FRMD1: variants seen among roughly 807,000 people sequenced by gnomAD.
FRMD1 encodes the protein FERM domain containing 1, also known as FERM domain-containing protein 1.
FRMD1 carries 51 observed loss-of-function variants against 54.9 expected under a neutral mutation model. That is an observed-to-expected ratio of 0.93 (90% confidence interval 0.74 to 1.17). The LOEUF (loss-of-function observed/expected upper bound fraction) is 1.17. Ranked by LOEUF, FRMD1 falls within the 50% of genes most tolerant of loss-of-function variation. The probability of loss-of-function intolerance (pLI) is 0.00; values close to 1 mark genes in which losing one functional copy is unlikely to be tolerated. For synonymous variants in FRMD1, 324 were observed against 306.4 expected (o/e 1.06, Z -0.60); for missense variants, 729 against 743.0 (o/e 0.98, Z 0.22).
chr6:168,058,978 C>T (rs1053121688), intron 10 of FRMD1, 146 bp downstream of exon 10: 4 of 643,860 alleles, frequency 6.2e-6, no homozygotes, highest in African/African-American at 5.5e-5. Context: ...TTGCTGCTCC[C>T]TGACTTGCCC....
rs1799323623 is a variant in FRMD1 at position 168,053,447 on chromosome 6, C to T, written c.*3650G>A. On this transcript the variant is annotated 3_prime_UTR_variant, in exon 11 of 11. Coordinates refer to ENST00000283309, the MANE Select transcript of FRMD1 (RefSeq NM_024919.6). ...CCTGGCCATCCTGTCCTGAGACTCC[C>T]TGCTGCTCCTACAGGTAGAGACGAC... 1 of 152,558 alleles carries T rather than the reference C, an allele frequency of 6.6e-6. No homozygotes were observed. Among genetic ancestry groups the T allele is most frequent in the Non-Finnish European group, 1.5e-5 (1 of 68,302 alleles). The allele number at this position is 152,558 out of a possible 1,614,324, so 9.5% of individuals were successfully genotyped here. A position where few individuals can be genotyped will look rare whatever the true frequency, so the allele number is the denominator to read the frequency against.
At position 168,062,888 on chromosome 6, in the gene FRMD1, G is replaced by C. The variant is rs750664884; in HGVS notation, c.870+6C>G. On this transcript the variant is annotated splice_donor_region_variant and intron_variant, in intron 7 of 10. Transcript: ENST00000283309. ...GGCTCTGTGAGGCTGGAGCCCCTTC[G>C]GTCACCTGGTAGATGTGCACTCCCC... is the stretch of plus-strand genomic sequence containing the variant. 2.5e-6 allele frequency: 4 copies of C among 1,613,338 alleles called. No homozygotes were observed. In the Admixed American group the frequency reaches 5.0e-5, roughly 20 times the overall value.
At position 168,087,621 on chromosome 6, in the gene FRMD1, C is replaced by T. The variant is rs559435086; in HGVS notation, c.-11-8597G>A. Among the ~76,000 whole-genome samples, 3 of 152,340 alleles carry T rather than the reference C, an allele frequency of 2.0e-5. No homozygotes were observed. The East Asian group carries it at 5.8e-4, about 29-fold the overall frequency. On this transcript the variant is annotated intron_variant, in intron 1 of 12. Coordinates refer to the FRMD1 transcript ENST00000644440. The stretch of plus-strand genomic sequence containing the variant: ...CAGAGCTCTGACCTGCGTGGACTGG[C>T]GTGTGCAATGCGTGCGCTGGCATGT...
intron 1 of FRMD1, among the ~76,000 whole-genome samples, chr6:168,089,501 G>A (rs144713181): frequency 6.6e-5 from 10 of 152,358 alleles, no homozygotes; most frequent in African/African-American, 1.2e-4. Flanking sequence ...CAGGACACAG[G>A]TGGAGGAGGA....
upstream of FRMD1, chr6:168,081,366 C>T (rs1800825011): frequency 6.5e-7 from 1 of 1,533,410 alleles, no homozygotes; most frequent in South Asian, 1.2e-5. Context: ...GTCTTCTCGA[C>T]TGGCCTGTTC....
In FRMD1 at chr6:168,057,056, T is replaced by A. The variant is rs1024693479; in HGVS notation, c.*41A>T. The A allele has an allele frequency of 1.3e-5, 18 of 1,436,592 alleles. No individual in the cohort carries two copies. Among genetic ancestry groups the A allele is most frequent in the South Asian group, 7.6e-5 (5 of 65,768 alleles). The allele number at this position is 1,436,592 out of a possible 1,614,324, so 89.0% of individuals were successfully genotyped here. A position where few individuals can be genotyped will look rare whatever the true frequency, so the allele number is the denominator to read the frequency against. ...ATGTGGAAGTGGGGTGGGCAGGGGC[T>A]GAGCCTGGCGGTGCGGACGGTACTG... is the stretch of plus-strand genomic sequence containing the variant. On this transcript the variant is annotated 3_prime_UTR_variant, in exon 11 of 11. Coordinates refer to ENST00000283309, the MANE Select transcript of FRMD1 (RefSeq NM_024919.6).
chr6:168,085,426 C>T (rs919615295), upstream of FRMD1, among the ~76,000 whole-genome samples: 1 of 152,190 alleles, frequency 6.6e-6, no homozygotes, highest in African/African-American at 2.4e-5. Flanking sequence ...CTCTCAAAGG[C>T]TTGGGACAGC....
chr6:168,071,967 A>C (rs1800329081), intron 2 of FRMD1, among the ~76,000 whole-genome samples: 1 of 152,158 alleles, frequency 6.6e-6, no homozygotes, highest in African/African-American at 2.4e-5. Context: ...CACACGGCAA[A>C]TGCCCGTGAG....
chr6:168,067,276 G>C (rs115160298), intron 3 of FRMD1, 91 bp downstream of exon 3: 2 of 808,818 alleles, frequency 2.5e-6, no homozygotes, highest in Non-Finnish European at 4.1e-6. Context: ...AGCCCACCGC[G>C]GTGCCTGCTC....
chr6:168,074,732 G>A (rs1282325016), intron 2 of FRMD1, among the ~76,000 whole-genome samples: 1 of 148,112 alleles, frequency 6.8e-6, no homozygotes, highest in East Asian at 2.0e-4. Flanking sequence ...ACATGTGACT[G>A]GTGTGTAACT....
chr6:168,091,547 C>T (rs1337501346), intron 1 of FRMD1, among the ~76,000 whole-genome samples: 4 of 152,348 alleles, frequency 2.6e-5, no homozygotes, highest in Non-Finnish European at 4.4e-5. Context: ...CCTCGCCCTA[C>T]AGAGCAGTGT....
At chr6:168,081,134 G>C (rs1246591995), upstream of FRMD1, among the ~76,000 whole-genome samples, 1 of 152,142 alleles carries the variant, frequency 6.6e-6, no homozygotes, top group Non-Finnish European at 1.5e-5. Context: ...GCCAGGGAGA[G>C]CTGGGCTTGG....
At chr6:168,081,238 C>G, upstream of FRMD1, 1 of 1,038,012 alleles carries the variant, frequency 9.6e-7, no homozygotes, top group South Asian at 2.7e-5. Context: ...TACCTCCCGC[C>G]AGGGCACTGA....
chr6:168,073,424 A>G, intron 2 of FRMD1, among the ~76,000 whole-genome samples: 1 of 152,166 alleles, frequency 6.6e-6, no homozygotes, highest in East Asian at 1.9e-4. Context: ...ATGAGGTCAC[A>G]TCAGAAAGGC....
At chr6:168,080,377 C>T (rs751822852), upstream of FRMD1, among the ~76,000 whole-genome samples, 3 of 151,486 alleles carry the variant, frequency 2.0e-5, no homozygotes, top group Non-Finnish European at 4.4e-5. Context: ...CCACAGCAAA[C>T]GTAGAGCTGT....
chr6:168,078,614 C>T (rs2115019375), intron 1 of FRMD1, among the ~76,000 whole-genome samples: 1 of 126,070 alleles, frequency 7.9e-6, no homozygotes, highest in Middle Eastern at 4.7e-3. Flanking sequence ...ACCCTCACGG[C>T]CCTGCTCACC....
In FRMD1 at chr6:168,061,003, G is replaced by T. The variant is rs1799699043; in HGVS notation, c.1100C>A (p.Ala367Asp). ...YISDELELDL[A>D]SRSFPGSGVS... is the part of the protein sequence containing the mutation. ...CCCACTGCCCGGGAAGCTCCTGCTG[G>T]CCAGGTCCAGCTCCAGCTCATCGCT... The change falls in exon 9 of 11, where the codon GCC becomes GAC. Residue 367 changes from alanine (A) to aspartate (D), a missense_variant. Ala to Asp is a moderately radical substitution (Grantham distance 126). Transcript: ENST00000283309. 6.2e-7 allele frequency: 1 copy of T among 1,613,110 alleles called. No individual in the cohort carries two copies. The highest frequency in any genetic ancestry group is 1.3e-5 in the African/African-American group (1 of 75,040).
rs762707687 is a variant in FRMD1 at position 168,060,770 on chromosome 6, C to T, written c.1333G>A (p.Asp445Asn). 11 of 1,608,612 alleles carry T rather than the reference C, an allele frequency of 6.8e-6. No individual in the cohort carries two copies. The highest frequency in any genetic ancestry group is 1.3e-5 in the African/African-American group (1 of 74,854). ...TSRSHPSTRG[D>N]SQATRQEPCT... is the part of the protein sequence containing the mutation. ...TCTCCCTCGGGCCCACCTTGGCTGT[C>T]ACCACGTGTGCTGGGGTGGCTGCGG... Residue 445 changes from aspartate (D) to asparagine (N), a missense_variant, in exon 9 of 11, where the codon GAC becomes AAC. Asp to Asn is a conservative substitution (Grantham distance 23). Transcript: ENST00000283309.
chr6:168,071,837 C>G (rs1800322663), intron 2 of FRMD1, among the ~76,000 whole-genome samples: 1 of 152,226 alleles, frequency 6.6e-6, no homozygotes, highest in Admixed American at 6.5e-5. Flanking sequence ...CCTCCCAGCC[C>G]CTCCTGTTGC....
Sources: allele counts gnomAD v4.1 joint callset (sites outside exome capture counted in the v4.1 genomes callset), GRCh38; gene constraint gnomAD v4.1.1; transcripts MANE v1.5; gene names NCBI Gene and HGNC (gene_info 2026-07-23, HGNC 2026-07-21).